Variants in LILRA2 observed in about 807,000 individuals in gnomAD.
The protein encoded by LILRA2 is leukocyte immunoglobulin-like receptor subfamily A member 2.
In LILRA2, 45 loss-of-function variants were observed where a neutral mutation model predicts 47.9. The observed-to-expected ratio is 0.94, with a 90% CI of 0.74 to 1.20. The LOEUF (loss-of-function observed/expected upper bound fraction) is 1.20. LILRA2 is among the 50% of genes most tolerant of loss of function. The pLI is 0.00. For missense variants in LILRA2, 651 were observed against 598.2 expected, an observed-to-expected ratio of 1.09 and a Z score of -0.92; for synonymous variants, 279 against 249.2, an observed-to-expected ratio of 1.12 and a Z score of -1.13.
chr19:54,584,974 T>A (rs766331623), intron 6 of LILRA2, among the ~76,000 whole-genome samples: 1 of 152,178 alleles, frequency 6.6e-6, no homozygotes, highest in Non-Finnish European at 1.5e-5. Flanking sequence ...GATGTCCTTT[T>A]TGTTGACATT....
At chr19:54,584,520 T>C (rs1354255954) in intron 6 of LILRA2, among the ~76,000 whole-genome samples, 3 of 152,216 alleles carry the variant, frequency 2.0e-5, no homozygotes, top group African/African-American at 4.8e-5. Flanking sequence ...ATTTCATTAA[T>C]TTGATCTTCA....
intron 6 of LILRA2, chr19:54,577,853 GA>G (rs967748908): frequency 1.1e-5 from 5 of 440,890 alleles, no homozygotes; most frequent in African/African-American, 1.1e-4. Flanking sequence ...TATAATATAT[GA>G]ACTTAAAATT....
chr19:54,576,337 GCGGGTGGT>G (rs2062436624), intron 6 of LILRA2, among the ~76,000 whole-genome samples: 2 of 50,628 alleles, frequency 4.0e-5, no homozygotes, highest in Non-Finnish European at 8.8e-5. Flanking sequence ...GGGCGGGGGG[GCGGGTGGT>G]GAACCTCAGA....
At chr19:54,583,887 C>A (rs193148373) in intron 6 of LILRA2, among the ~76,000 whole-genome samples, 331 of 152,288 alleles carry the variant, frequency 2.2e-3, no homozygotes, top group African/African-American at 7.4e-3. Flanking sequence ...TACCATTTGG[C>A]ATGTTTTTGC....
intron 6 of LILRA2, among the ~76,000 whole-genome samples, chr19:54,576,563 G>C: frequency 6.6e-6 from 1 of 152,152 alleles, no homozygotes; most frequent in Non-Finnish European, 1.5e-5. Context: ...GGGCAGCAGC[G>C]GGGAGGGTGG....
chr19:54,576,221 G>A (rs2062427256), intron 6 of LILRA2, 112 bp downstream of exon 6: 5 of 1,474,440 alleles, frequency 3.4e-6, no homozygotes, highest in Non-Finnish European at 3.7e-6. Context: ...AGGGTCCACA[G>A]GGGAGGGTCC....
At chr19:54,573,633 G>C, upstream of LILRA2, 2 of 872,912 alleles carry the variant, frequency 2.3e-6, no homozygotes, top group Non-Finnish European at 3.5e-6. Context: ...GTGGCTGGGG[G>C]GCAGGAAAGA....
chr19:54,573,740 C>T (rs1474677016), upstream of LILRA2: 1 of 1,560,134 alleles, frequency 6.4e-7, no homozygotes, highest in Admixed American at 1.9e-5. Context: ...GGCAGTTGCA[C>T]TTCCTGTGTG....
At position 54,574,987 on chromosome 19, in the gene LILRA2, C is replaced by T; in HGVS notation, c.609C>T (p.Pro203=). 4 of 1,614,268 alleles carry T rather than the reference C, an allele frequency of 2.5e-6. No homozygotes were observed. In the South Asian group the frequency reaches 3.3e-5, roughly 13 times the overall value. ...YRCYAYDSNS[P]YVWSLPSDLL... Reference sequence around the variant, plus strand: ...GCTATGCTTATGACTCGAACTCTCCCTATGTGTGGTCTCTACCCAGTGATC... The same window carrying T: ...GCTATGCTTATGACTCGAACTCTCCTTATGTGTGGTCTCTACCCAGTGATC... The change falls in exon 4 of 8, where the codon CCC becomes CCT. Residue 203 remains proline, a synonymous_variant. Coordinates refer to ENST00000391738, the MANE Select transcript of LILRA2 (RefSeq NM_001130917.3).
In LILRA2 at chr19:54,574,467, T is replaced by C; in HGVS notation, c.237T>C (p.Asn79=). Residue 79 remains asparagine (N), a synonymous_variant, in exon 3 of 8, where the codon AAT becomes AAC. Transcript: ENST00000391738. ...GACGGATACAAGAGCCTGGGAAGAA[T>C]GGCCAGTTCCCCATCCCATCCATCA... ...WVRRIQEPGK[N]GQFPIPSITW... is the part of the protein sequence containing the mutation. 1 of 1,606,946 alleles carries C rather than the reference T, an allele frequency of 6.2e-7. No individual in the cohort carries two copies. Among genetic ancestry groups the C allele is most frequent in the Non-Finnish European group, 8.5e-7 (1 of 1,173,616 alleles).
At chr19:54,585,941 G>A (rs2062790343) in intron 6 of LILRA2, among the ~76,000 whole-genome samples, 1 of 152,200 alleles carries the variant, frequency 6.6e-6, no homozygotes, top group Non-Finnish European at 1.5e-5. Flanking sequence ...AGGTATCCAT[G>A]AGAAAGTGAC....
chr19:54,575,872 G>A lies in LILRA2; in HGVS notation c.1018G>A (p.Val340Met), dbSNP rs768414857. 8.1e-6 allele frequency: 13 copies of A among 1,613,768 alleles called. No homozygotes were observed. The highest frequency in any genetic ancestry group is 5.3e-5 in the African/African-American group (4 of 74,820). Reference sequence around the variant, plus strand: ...CCCCACAGTAGCCCCAGGAAAGAACGTGACCCTGCTGTGTCAGTCACGGGG... The same window carrying A: ...CCCCACAGTAGCCCCAGGAAAGAACATGACCCTGCTGTGTCAGTCACGGGG... ...PVPTVAPGKN[V>M]TLLCQSRGQF... is the part of the protein sequence containing the mutation. Residue 340 changes from valine (V) to methionine (M), a missense_variant, in exon 6 of 8, where the codon GTG becomes ATG. Transcript: ENST00000391738.
Position 54,587,001 on chromosome 19 carries a change from G to T in LILRA2, c.1256-9G>T, listed in dbSNP as rs1380096940. On this transcript the variant is annotated splice_polypyrimidine_tract_variant and intron_variant, in intron 6 of 7. Transcript: ENST00000391738. ...GCTCAGGGCTCTTCTCCACTGTTTT[G>T]ATTCTCAGAAGCAGCTGAGACCCTC... 2 of 1,609,452 alleles carry T rather than the reference G, an allele frequency of 1.2e-6. No homozygotes were observed. Among genetic ancestry groups the T allele is most frequent in the African/African-American group, 2.7e-5 (2 of 74,940 alleles).
At chr19:54,576,550 C>T (rs1260108145) in intron 6 of LILRA2, among the ~76,000 whole-genome samples, 1 of 152,286 alleles carries the variant, frequency 6.6e-6, no homozygotes, top group Non-Finnish European at 1.5e-5. Context: ...GGTCTGATTT[C>T]CAGGGCAGCA....
rs1281498812 is a variant in LILRA2 at position 54,576,065 on chromosome 19, A to G, written c.1211A>G (p.Tyr404Cys). ...TACAGCTCACTCAGCTCCAACCCCT[A>G]CCTGCTGTCTCTCCCCAGTGACCCC... ...RCYSSLSSNPYLLSLPSDPLE... is the reference protein window; with the variant it reads ...RCYSSLSSNPCLLSLPSDPLE... The change falls in exon 6 of 8, where the codon TAC (tyrosine) becomes TGC (cysteine). Residue 404 changes from tyrosine (Y) to cysteine (C), a missense_variant. Physicochemically the swap from Tyr to Cys is radical, Grantham distance 194. Coordinates refer to ENST00000391738, the MANE Select transcript of LILRA2 (RefSeq NM_001130917.3). 1.2e-6 allele frequency: 2 copies of G among 1,612,932 alleles called. No homozygotes were observed. The highest frequency in any genetic ancestry group is 1.7e-5 in the Admixed American group (1 of 59,780).
chr19:54,577,970 C>G (rs187901138), intron 6 of LILRA2, among the ~76,000 whole-genome samples: 47 of 152,074 alleles, frequency 3.1e-4, no homozygotes, highest in African/African-American at 1.1e-3. Flanking sequence ...AATATCAACT[C>G]TTCCTCCTTC....
intron 6 of LILRA2, among the ~76,000 whole-genome samples, chr19:54,585,841 A>T (rs2062785574): frequency 6.6e-6 from 1 of 152,174 alleles, no homozygotes; most frequent in Admixed American, 6.5e-5. Context: ...CAGGTACCTC[A>T]GTTGGAAATG....
Position 54,587,494 on chromosome 19 carries a change from G to A in LILRA2, c.*148G>A, listed in dbSNP as rs1392916657. On this transcript the variant is annotated 3_prime_UTR_variant, in exon 8 of 8. Transcript: ENST00000391738. ...TAGAGACAGCAATCAATATTTGAGT[G>A]TAAGGAAACTGTCTGGGGTGATTCC... 5.5e-6 allele frequency: 7 copies of A among 1,284,282 alleles called. No individual in the cohort carries two copies. Among genetic ancestry groups the A allele is most frequent in the Admixed American group, 5.5e-5 (2 of 36,272 alleles). 79.6% of individuals were successfully genotyped at this position (1,284,282 alleles called of 1,614,324 possible).
chr19:54,574,637 G>T, intron 3 of LILRA2, 55 bp downstream of exon 3: 1 of 1,569,970 alleles, frequency 6.4e-7, no homozygotes, highest in Non-Finnish European at 8.7e-7. Context: ...GAAGGGGGTC[G>T]GCTCTCAGGG....
Sources: gnomAD v4.1 joint callset for allele counts (sites outside exome capture counted in the v4.1 genomes callset) on GRCh38, gnomAD v4.1.1 for gene constraint, MANE v1.5 for transcripts, NCBI Gene and HGNC (gene_info 2026-07-23, HGNC 2026-07-21) for gene names.